Variants in RIMS4 observed in about 807,000 individuals in gnomAD.
The protein encoded by RIMS4 is regulating synaptic membrane exocytosis 4.
RIMS4 carries 9 observed loss-of-function variants against 29.0 expected under a neutral mutation model. The observed-to-expected ratio is 0.31, with a 90% confidence interval of 0.19 to 0.54. The LOEUF (loss-of-function observed/expected upper bound fraction) is 0.54, where lower values mean the gene tolerates loss of function less well. Among genes scored for constraint, RIMS4 ranks in the 20% least tolerant of loss-of-function variants. The probability of loss-of-function intolerance (pLI) is 0.94; values close to 1 mark genes in which losing one functional copy is unlikely to be tolerated. For synonymous variants in RIMS4, 130 were observed against 152.9 expected, an observed-to-expected ratio of 0.85 and a Z score of 1.10; for missense variants, 193 against 365.7, an observed-to-expected ratio of 0.53 and a Z score of 3.85.
chr20:44,787,571 T>C (rs943551786), intron 1 of RIMS4, among the ~76,000 whole-genome samples: 1 of 152,068 alleles, frequency 6.6e-6, no homozygotes, highest in Non-Finnish European at 1.5e-5. Context: ...GATCACACCC[T>C]GTCCTGTTCC....
chr20:44,764,067 TATCCATCCATCCATCC>T (rs1170004249), intron 2 of RIMS4, among the ~76,000 whole-genome samples: 1 of 90,158 alleles, frequency 1.1e-5, no homozygotes, highest in Admixed American at 1.1e-4. Flanking sequence ...TCCATCCATT[TATCCATCCATCCATCC>T]ATCCATCCAC....
chr20:44,756,496 CTT>C lies in RIMS4; in HGVS notation c.592-146_592-145del. 1 of 675,584 alleles carries C rather than the reference CTT, an allele frequency of 1.5e-6. No homozygotes were observed. The highest frequency in any genetic ancestry group is 2.6e-6 in the Non-Finnish European group (1 of 389,966). 41.8% of individuals were successfully genotyped at this position (675,584 alleles called of 1,614,324 possible). ...AACTGCAATTCCTCAACAGGCCTTT[CTT>C]ATCACGGGGCATCACACCAAGCCCC... On this transcript the variant is annotated intron_variant, in intron 5 of 5. Transcript: ENST00000372851. The surrounding 1 kb of genome is among the most constrained non-coding windows in gnomAD (Gnocchi z 5.9).
rs192810505 is a variant in RIMS4, at chr20:44,785,233, T to C, written c.98-13820A>G. Among the ~76,000 whole-genome samples the C allele has an allele frequency of 3.4e-3, 521 of 151,750 alleles. 1 individual carries two copies. Among genetic ancestry groups the C allele is most frequent in the African/African-American group, 0.012 (488 of 41,456 alleles). On this transcript the variant is annotated intron_variant, in intron 1 of 5. Coordinates refer to ENST00000372851, the MANE Select transcript of RIMS4 (RefSeq NM_182970.4). Reference sequence around the variant, plus strand: ...TGGATTAAAAGCCATTCTTCTTCTTTTTTTTTTTTTTTCTTTTATAAGAGA... The same window carrying C: ...TGGATTAAAAGCCATTCTTCTTCTTCTTTTTTTTTTTTCTTTTATAAGAGA...
intron 1 of RIMS4, among the ~76,000 whole-genome samples, chr20:44,803,992 C>T (rs1325304409): frequency 6.6e-6 from 1 of 152,220 alleles, no homozygotes; most frequent in Non-Finnish European, 1.5e-5. Flanking sequence ...AGCACAGCCC[C>T]AGGAGCTTAC....
At position 44,752,868 on chromosome 20, in the gene RIMS4, A is replaced by T. The variant is rs1312500715; in HGVS notation, c.*3266T>A. On this transcript the variant is annotated 3_prime_UTR_variant, in exon 6 of 6. Transcript: ENST00000372851. Reference sequence around the variant, plus strand: ...CCTCCACCCAGGCATCAAGGTCTAGACCCAATCCTGTGTACCCTCAGTCAG... The same window carrying T: ...CCTCCACCCAGGCATCAAGGTCTAGTCCCAATCCTGTGTACCCTCAGTCAG... 2 of 152,358 alleles carry T rather than the reference A, an allele frequency of 1.3e-5. No individual in the cohort carries two copies. Among genetic ancestry groups the T allele is most frequent in the Non-Finnish European group, 2.9e-5 (2 of 68,210 alleles). 9.4% of individuals were successfully genotyped at this position (152,358 alleles called of 1,614,324 possible). A position where few individuals can be genotyped will look rare whatever the true frequency, so the allele number is the denominator to read the frequency against.
At chr20:44,780,861 C>A (rs1421536793) in intron 1 of RIMS4, among the ~76,000 whole-genome samples, 4 of 152,010 alleles carry the variant, frequency 2.6e-5, no homozygotes, top group African/African-American at 9.7e-5. Context: ...TGAGTGAAAG[C>A]AAGAGGGGCA....
intron 1 of RIMS4, among the ~76,000 whole-genome samples, chr20:44,788,520 C>T (rs2066218678): frequency 6.6e-6 from 1 of 152,106 alleles, no homozygotes; most frequent in Non-Finnish European, 1.5e-5. Flanking sequence ...TACTTATAAT[C>T]CCAGCAGTTT....
chr20:44,758,092 G>A lies in RIMS4; in HGVS notation c.329C>T (p.Thr110Ile). 6.2e-7 allele frequency: 1 copy of A among 1,611,618 alleles called. No individual in the cohort carries two copies. Among genetic ancestry groups the A allele is most frequent in the Non-Finnish European group, 8.5e-7 (1 of 1,178,500 alleles). ...CTCACCCATGGGTGTGGTGGCCAGG[G>A]TCTGGCGGCCCACAAACTGTGCCGG... is the stretch of plus-strand genomic sequence containing the variant. ...MGPAQFVGRQ[T>I]LATTPMGDVE... Residue 110 changes from threonine to isoleucine, a missense_variant, in exon 3 of 6, where the codon ACC becomes ATC. Physicochemically the swap from Thr to Ile is moderately conservative, Grantham distance 89 (BLOSUM62 -1). Transcript: ENST00000372851.
chr20:44,796,871 G>C (rs1459437107), intron 1 of RIMS4, among the ~76,000 whole-genome samples: 1 of 152,236 alleles, frequency 6.6e-6, no homozygotes, highest in Non-Finnish European at 1.5e-5. Flanking sequence ...CTTGTTTCCT[G>C]TGTTCATCCT....
At chr20:44,760,816 T>G (rs948548584) in intron 2 of RIMS4, among the ~76,000 whole-genome samples, 2 of 152,344 alleles carry the variant, frequency 1.3e-5, no homozygotes, top group South Asian at 2.1e-4. Flanking sequence ...GGTGCTTAGA[T>G]TCTAGTGACA....
chr20:44,758,362 C>T (rs2066069683), intron 2 of RIMS4, among the ~76,000 whole-genome samples, 178 bp from the exon 3 acceptor site: 1 of 152,218 alleles, frequency 6.6e-6, no homozygotes, highest in East Asian at 1.9e-4. Context: ...AAGTGTGGTT[C>T]AGAGACCAGC....
intron 4 of RIMS4, among the ~76,000 whole-genome samples, chr20:44,757,417 T>C (rs531467254): frequency 6.6e-6 from 1 of 152,060 alleles, no homozygotes; most frequent in Admixed American, 6.5e-5. Context: ...CACTGGGGTA[T>C]AATGATAAGC....
rs536181166 is a variant in RIMS4, at chr20:44,809,615, G to T, written c.97+560C>A. Among the ~76,000 whole-genome samples, 22 of 152,326 alleles carry T rather than the reference G, an allele frequency of 1.4e-4. 1 individual carries two copies. In the South Asian group the frequency reaches 4.1e-3, roughly 29 times the overall value. On this transcript the variant is annotated intron_variant, in intron 1 of 5. Transcript: ENST00000372851. ...CGGTTCCCCTCCGTCTGCCCCAGGC[G>T]TATAAGAAGCAGGAGTCTGGAGCCC...
chr20:44,799,668 G>A (rs1028356540), intron 1 of RIMS4, among the ~76,000 whole-genome samples: 2 of 152,214 alleles, frequency 1.3e-5, no homozygotes, highest in Non-Finnish European at 2.9e-5. Context: ...GACACTGAGT[G>A]CTGGAGATAA....
chr20:44,800,272 G>T (rs1222142419), intron 1 of RIMS4, among the ~76,000 whole-genome samples: 1 of 151,730 alleles, frequency 6.6e-6, no homozygotes, highest in Non-Finnish European at 1.5e-5. Context: ...TGGCTTGTGG[G>T]AGTGGGACTG....
intron 1 of RIMS4, among the ~76,000 whole-genome samples, chr20:44,781,404 G>T (rs1422737310): frequency 6.6e-6 from 1 of 152,190 alleles, no homozygotes; most frequent in African/African-American, 2.4e-5. Flanking sequence ...GCACGGTCTG[G>T]GTTGTAAGCA....
chr20:44,794,919 G>C (rs1474240400), intron 1 of RIMS4, among the ~76,000 whole-genome samples: 2 of 152,134 alleles, frequency 1.3e-5, no homozygotes, highest in African/African-American at 4.8e-5. Flanking sequence ...TTTAAAGATT[G>C]GCAAACCCCA....
intron 1 of RIMS4, among the ~76,000 whole-genome samples, chr20:44,797,581 C>G (rs775368774): frequency 6.6e-6 from 1 of 152,234 alleles, no homozygotes; most frequent in Non-Finnish European, 1.5e-5. Flanking sequence ...TATTAGACTG[C>G]TTCCACTAAT....
chr20:44,774,734 C>A (rs974941533), intron 1 of RIMS4, among the ~76,000 whole-genome samples: 1 of 152,192 alleles, frequency 6.6e-6, no homozygotes, highest in Non-Finnish European at 1.5e-5. Context: ...TTTCACCCTG[C>A]CTGGCCCTCC....
Sources: gnomAD v4.1 joint callset for allele counts (sites outside exome capture counted in the v4.1 genomes callset) on GRCh38, gnomAD v4.1.1 for gene constraint, Gnocchi (gnomAD v3.1) non-coding constraint, MANE v1.5 for transcripts, NCBI Gene and HGNC (gene_info 2026-07-23, HGNC 2026-07-21) for gene names.